C12orf54: variants seen among roughly 807,000 people sequenced by gnomAD.
C12orf54 encodes the protein chromosome 12 open reading frame 54, also known as uncharacterized protein C12orf54.
In C12orf54, 24 loss-of-function variants were observed where a neutral mutation model predicts 26.4. The ratio of observed to expected loss-of-function variants is 0.91; its 90% CI spans 0.66 to 1.28. The LOEUF is 1.28. Among genes scored for constraint, C12orf54 ranks in the 50% most tolerant of loss-of-function variants. The probability of loss-of-function intolerance (pLI) is 0.00; values close to 1 mark genes in which losing one functional copy is unlikely to be tolerated. For synonymous variants in C12orf54, 54 were observed against 47.0 expected (o/e 1.15, Z -0.61); for missense variants, 154 against 150.9 (o/e 1.02, Z -0.11).
the C12orf54 span, among the ~76,000 whole-genome samples, chr12:48,462,777 T>G: frequency 6.6e-6 from 1 of 151,794 alleles, no homozygotes; most frequent in African/African-American, 2.4e-5. Context: ...TATAGAAGTA[T>G]ATCTATAACA....
the C12orf54 span, among the ~76,000 whole-genome samples, chr12:48,457,085 C>T: frequency 6.6e-6 from 1 of 151,992 alleles, no homozygotes; most frequent in Non-Finnish European, 1.5e-5. Flanking sequence ...TCTGTCTCCC[C>T]TATTAATATG....
the C12orf54 span, among the ~76,000 whole-genome samples, chr12:48,440,315 G>T: frequency 1.3e-5 from 2 of 152,164 alleles, no homozygotes; most frequent in African/African-American, 2.4e-5. Flanking sequence ...GGAGTTCAAG[G>T]TGAAGGGAAG....
the C12orf54 span, among the ~76,000 whole-genome samples, chr12:48,475,930 A>G: frequency 2.5e-3 from 384 of 152,036 alleles, no homozygotes; most frequent in Non-Finnish European, 3.9e-3. Flanking sequence ...GAGCAACTCC[A>G]AGACACATAA....
At chr12:48,444,348 C>T in the C12orf54 span, among the ~76,000 whole-genome samples, 98 of 152,292 alleles carry the variant, frequency 6.4e-4, no homozygotes, top group African/African-American at 2.3e-3. Context: ...GACACAGAAC[C>T]GCATCACTCA....
chr12:48,437,455 A>C, the C12orf54 span, among the ~76,000 whole-genome samples: 9 of 152,102 alleles, frequency 5.9e-5, no homozygotes, highest in Non-Finnish European at 7.4e-5. Flanking sequence ...CAAAAAAAGA[A>C]AATTTTAGAC....
the C12orf54 span, among the ~76,000 whole-genome samples, chr12:48,453,394 C>A: frequency 1.4e-4 from 21 of 151,230 alleles, no homozygotes; most frequent in African/African-American, 5.1e-4. Flanking sequence ...GGATGCTGAG[C>A]TTAATACCTG....
the C12orf54 span, among the ~76,000 whole-genome samples, chr12:48,454,873 C>T: frequency 2.6e-5 from 4 of 152,310 alleles, no homozygotes; most frequent in South Asian, 6.2e-4. Flanking sequence ...GACACTACTG[C>T]TTCCTTGTGG....
chr12:48,480,770 A>C (rs1453548287), upstream of C12orf54, among the ~76,000 whole-genome samples: 1 of 152,214 alleles, frequency 6.6e-6, no homozygotes, highest in Non-Finnish European at 1.5e-5. Flanking sequence ...TGTTTATCGC[A>C]GCACTATTCA....
upstream of C12orf54, among the ~76,000 whole-genome samples, chr12:48,478,463 T>C (rs1322306762): frequency 6.6e-6 from 1 of 152,222 alleles, no homozygotes; most frequent in Admixed American, 6.5e-5. Flanking sequence ...AAATTGTCCC[T>C]GTTTGCAGAT....
chr12:48,482,845 A>G (rs2137083752), intron 1 of C12orf54, among the ~76,000 whole-genome samples: 1 of 152,028 alleles, frequency 6.6e-6, no homozygotes. Context: ...TTCACTCTAC[A>G]CTATTTCCTG....
the C12orf54 span, among the ~76,000 whole-genome samples, chr12:48,457,357 G>A: frequency 6.6e-6 from 1 of 151,718 alleles, no homozygotes; most frequent in African/African-American, 2.4e-5. Context: ...TTTTTGAGAT[G>A]GAGTTTCACT....
the C12orf54 span, among the ~76,000 whole-genome samples, chr12:48,458,319 T>A: frequency 6.6e-6 from 1 of 152,168 alleles, no homozygotes; most frequent in African/African-American, 2.4e-5. Context: ...ATCTAAACAG[T>A]CAAAACTCTG....
At chr12:48,457,281 T>G in the C12orf54 span, among the ~76,000 whole-genome samples, 316 of 115,744 alleles carry the variant, frequency 2.7e-3, 2 homozygotes, top group East Asian at 3.4e-3. Flanking sequence ...TTTGTTGTTG[T>G]TGTTGGTGGT....
chr12:48,418,973 C>G, the C12orf54 span, among the ~76,000 whole-genome samples: 1 of 150,122 alleles, frequency 6.7e-6, no homozygotes, highest in South Asian at 2.1e-4. Context: ...TTTCCTGTAA[C>G]TCACTGTCCT....
the C12orf54 span, among the ~76,000 whole-genome samples, chr12:48,431,459 TAA>T: frequency 1.3e-5 from 2 of 152,104 alleles, no homozygotes; most frequent in African/African-American, 2.4e-5. Context: ...TTAAAAATTA[TAA>T]GAGAATATTA....
chr12:48,454,005 A>G, the C12orf54 span, among the ~76,000 whole-genome samples: 1 of 151,506 alleles, frequency 6.6e-6, no homozygotes, highest in East Asian at 1.9e-4. Context: ...AGGTCAGGGA[A>G]CTCCTGTTAT....
At chr12:48,469,390 A>G in the C12orf54 span, among the ~76,000 whole-genome samples, 1 of 152,218 alleles carries the variant, frequency 6.6e-6, no homozygotes, top group Non-Finnish European at 1.5e-5. Context: ...TCACTTTCTG[A>G]AAGAAGAGAA....
chr12:48,427,730 TC>T, the C12orf54 span, among the ~76,000 whole-genome samples: 2 of 152,038 alleles, frequency 1.3e-5, no homozygotes, highest in Non-Finnish European at 2.9e-5. Flanking sequence ...GTGGGGGACT[TC>T]AATACTCCAT....
At chr12:48,440,288 C>T in the C12orf54 span, among the ~76,000 whole-genome samples, 1 of 152,036 alleles carries the variant, frequency 6.6e-6, no homozygotes, top group African/African-American at 2.4e-5. Flanking sequence ...TCCTTGTTCT[C>T]TTTGAGTTTA....
Sources: gnomAD v4.1 joint callset for allele counts (sites outside exome capture counted in the v4.1 genomes callset) on GRCh38, gnomAD v4.1.1 for gene constraint, MANE v1.5 for transcripts, NCBI Gene and HGNC (gene_info 2026-07-23, HGNC 2026-07-21) for gene names.